The following CHADL variants were observed in gnomAD, a reference collection of about 807,000 sequenced individuals.
CHADL encodes the protein chondroadherin-like protein.
Under a neutral mutation model 52.1 loss-of-function variants are expected in CHADL, and 48 were observed. The observed-to-expected ratio is 0.92, with a 90% confidence interval of 0.73 to 1.17. CHADL has a LOEUF of 1.17. CHADL is among the 50% of genes most tolerant of loss of function. CHADL has a pLI of 0.00. For missense variants in CHADL, 977 were observed against 1,035.1 expected, an observed-to-expected ratio of 0.94 and a Z score of 0.77; for synonymous variants, 498 against 511.2, an observed-to-expected ratio of 0.97 and a Z score of 0.35.
At chr22:41,230,030 A>C (rs1450445031) in intron 5 of CHADL, 1 of 797,452 alleles carries the variant, frequency 1.3e-6, no homozygotes, top group Admixed American at 2.3e-5. Context: ...GTGAAGGTGC[A>C]TCCTAGGCCC....
Position 41,237,596 on chromosome 22 carries a change from G to C in CHADL, c.1476C>G (p.Ala492=), listed in dbSNP as rs1489038250. ...AGCCGAGGCGGGGAGCCCCTTCAAG[G>C]GCAGCAGCGCTGAGGCCTGCGAGCT... The part of the protein sequence containing the change: ...DNQLAGLSAA[A]LEGAPRLGYL... Residue 492 remains alanine (A), a synonymous_variant, in exon 3 of 6, where the codon GCC becomes GCG. Transcript: ENST00000216241. 1.9e-6 allele frequency: 3 copies of C among 1,550,494 alleles called. No individual in the cohort carries two copies. The highest frequency in any genetic ancestry group is 1.7e-6 in the Non-Finnish European group (2 of 1,146,908).
In CHADL at chr22:41,239,574, G is replaced by T. The variant is rs1347029542; in HGVS notation, c.55C>A (p.Leu19Ile). 1 of 1,547,358 alleles carries T rather than the reference G, an allele frequency of 6.5e-7. No homozygotes were observed. The highest frequency in any genetic ancestry group is 8.7e-7 in the Non-Finnish European group (1 of 1,145,390). The change falls in exon 2 of 6, where the codon CTT (leucine) becomes ATT (isoleucine). Residue 19 changes from leucine to isoleucine, a missense_variant. By Grantham distance (5) the Leu-to-Ile change is conservative. Transcript: ENST00000216241. ...HVPLVLPLLV[L>I]LLLAPARQAA... is the part of the protein sequence containing the mutation. ...TGCCTAGCCGGGGCCAGCAGCAGAA[G>T]TACAAGAAGCGGCAGCACCAAGGGG...
chr22:41,239,179 G>A (rs1364173108), intron 2 of CHADL, among the ~76,000 whole-genome samples: 1 of 152,122 alleles, frequency 6.6e-6, no homozygotes, highest in Non-Finnish European at 1.5e-5. Context: ...TCCACCACAG[G>A]GTCTGCAGTG....
chr22:41,230,004 G>A (rs2032474200), intron 5 of CHADL: 1 of 723,414 alleles, frequency 1.4e-6, no homozygotes, highest in Non-Finnish European at 2.3e-6. Context: ...TGCCCTCCCA[G>A]AAGGGAAGCT....
rs2032721301 is a variant in CHADL, at chr22:41,235,332, C to T, written c.2075G>A (p.Gly692Glu). 3 of 1,550,706 alleles carry T rather than the reference C, an allele frequency of 1.9e-6. No homozygotes were observed. The highest frequency in any genetic ancestry group is 1.2e-5 in the South Asian group (1 of 84,044). ...GGTGGCCCCCACCCGCAGGTTCAGC[C>T]CAGTAAGCCACCTGAAGAGAAAAGA... ...QLLPLHRWLTGLNLRVGATCA... is the reference protein window; with the variant it reads ...QLLPLHRWLTELNLRVGATCA... The change falls in exon 5 of 6, where the codon GGG becomes GAG. Residue 692 changes from glycine (G) to glutamate (E), a missense_variant. Physicochemically the swap from Gly to Glu is moderately conservative, Grantham distance 98. Coordinates refer to ENST00000216241, the MANE Select transcript of CHADL (RefSeq NM_138481.2).
intron 5 of CHADL, among the ~76,000 whole-genome samples, chr22:41,233,475 G>T (rs542899855): frequency 1.3e-5 from 2 of 152,188 alleles, no homozygotes; most frequent in South Asian, 4.2e-4. Context: ...AAAAAAAAAG[G>T]GGGGGTGGAA....
Position 41,238,253 on chromosome 22 carries a change from G to A in CHADL, c.819C>T (p.Ala273=), listed in dbSNP as rs1054254583. The A allele has an allele frequency of 7.8e-6, 12 of 1,530,612 alleles. No individual in the cohort carries two copies. Among genetic ancestry groups the A allele is most frequent in the Middle Eastern group, 2.1e-4 (1 of 4,710 alleles). 94.8% of individuals were successfully genotyped at this position (1,530,612 alleles called of 1,614,324 possible). The part of the protein sequence containing the change: ...GGALQALGPR[A]FAHCPRLHTL... ...TGTGCAGGCGCGGACAGTGTGCGAA[G>A]GCCCTGGGACCCAGGGCCTGCAGGG... The change falls in exon 3 of 6, where the codon GCC becomes GCT. Residue 273 remains alanine (A), a synonymous_variant. Coordinates refer to ENST00000216241, the MANE Select transcript of CHADL (RefSeq NM_138481.2). The surrounding 1 kb of genome is among the most constrained non-coding windows in gnomAD (Gnocchi z 4.9).
At chr22:41,232,269 T>C (rs1601553015) in intron 5 of CHADL, among the ~76,000 whole-genome samples, 1 of 147,404 alleles carries the variant, frequency 6.8e-6, no homozygotes, top group Non-Finnish European at 1.5e-5. Context: ...GGGGCGGAGG[T>C]GGCAATGAGC....
intron 5 of CHADL, 120 bp from the exon 6 acceptor site, chr22:41,229,850 C>G: frequency 1.1e-6 from 1 of 936,842 alleles, no homozygotes; most frequent in Non-Finnish European, 1.7e-6. Context: ...AGCTGAGTCC[C>G]CCTCTAGCCC....
chr22:41,230,097 G>A, intron 5 of CHADL: 1 of 349,078 alleles, frequency 2.9e-6, no homozygotes, highest in African/African-American at 3.0e-5. Context: ...CCCTCCCAGA[G>A]TTATTTACTC....
At chr22:41,230,257 C>A (rs748504977) in intron 5 of CHADL, 1 of 1,609,750 alleles carries the variant, frequency 6.2e-7, no homozygotes, top group Non-Finnish European at 8.5e-7. Flanking sequence ...ACTGAGCCTT[C>A]CTGCCTCCAG....
chr22:41,232,201 A>C (rs8135059), intron 5 of CHADL, among the ~76,000 whole-genome samples: 2 of 151,826 alleles, frequency 1.3e-5, no homozygotes, highest in Non-Finnish European at 2.9e-5. Flanking sequence ...GCGTGGTGGC[A>C]GTCACCTGTA....
intron 5 of CHADL, 154 bp downstream of exon 5, chr22:41,234,991 G>A (rs552591895): frequency 3.2e-5 from 25 of 777,148 alleles, no homozygotes; most frequent in South Asian, 7.1e-5. Context: ...GCCCAGCCTC[G>A]GATGGACATT....
chr22:41,232,024 C>T (rs1233566857), intron 5 of CHADL, among the ~76,000 whole-genome samples: 3 of 152,170 alleles, frequency 2.0e-5, no homozygotes, highest in South Asian at 2.1e-4. Context: ...ACAGTTTAGT[C>T]GTTTGGCTGC....
Position 41,237,605 on chromosome 22 carries a change from G to A in CHADL, c.1467C>T (p.Ser489=), listed in dbSNP as rs1211213599. The A allele has an allele frequency of 1.0e-5, 16 of 1,550,384 alleles. No homozygotes were observed. The highest frequency in any genetic ancestry group is 7.8e-5 in the Admixed American group (4 of 50,994). Residue 489 remains serine (S), a synonymous_variant, in exon 3 of 6, where the codon AGC becomes AGT. Transcript: ENST00000216241. ...YLSDNQLAGL[S]AAALEGAPRL... ...GGGGAGCCCCTTCAAGGGCAGCAGC[G>A]CTGAGGCCTGCGAGCTGGTTGTCGG...
intron 4 of CHADL, among the ~76,000 whole-genome samples, chr22:41,235,782 G>T (rs765862353): frequency 6.6e-6 from 1 of 152,194 alleles, no homozygotes; most frequent in African/African-American, 2.4e-5. Context: ...TTACAGATGG[G>T]CAGGAAAGGT....
At position 41,233,333 on chromosome 22, in the gene CHADL, G is replaced by A. The variant is rs187623687; in HGVS notation, c.2262+1812C>T. ...AAAAGTTAGCCATGCGTGGTGGCAC[G>A]CACCTGTAATCTCAGCTACTTGGGA... On this transcript the variant is annotated intron_variant, in intron 5 of 5. Transcript: ENST00000216241. Among the ~76,000 whole-genome samples the A allele has an allele frequency of 2.5e-4, 38 of 152,146 alleles. 1 individual carries two copies. The highest frequency in any genetic ancestry group is 9.7e-4 in the East Asian group (5 of 5,166).
In CHADL at chr22:41,238,308, C is replaced by A. The variant is rs749795580; in HGVS notation, c.764G>T (p.Gly255Val). The change falls in exon 3 of 6, where the codon GGC becomes GTC. Residue 255 changes from glycine to valine, a missense_variant. Coordinates refer to ENST00000216241, the MANE Select transcript of CHADL (RefSeq NM_138481.2). This position sits in a 1 kb window ranked among gnomAD's most constrained non-coding sequence, Gnocchi z 4.9. ...GCCGTCCAGCAGCAGCTCCCGCAGG[C>A]CGGGCAGCGCCAGCCCGTCCTCCTC... ...AGEEDGLALP[G>V]LRELLLDGGA... The A allele has an allele frequency of 6.5e-7, 1 of 1,527,410 alleles. No homozygotes were observed. Among genetic ancestry groups the A allele is most frequent in the South Asian group, 1.2e-5 (1 of 83,484 alleles). The allele number at this position is 1,527,410 out of a possible 1,614,324, so 94.6% of individuals were successfully genotyped here.
chr22:41,237,806 G>A lies in CHADL; in HGVS notation c.1266C>T (p.Gly422=), dbSNP rs1440101065. 2 of 1,495,744 alleles carry A rather than the reference G, an allele frequency of 1.3e-6. No homozygotes were observed. The highest frequency in any genetic ancestry group is 1.8e-6 in the Non-Finnish European group (2 of 1,124,066). 92.7% of individuals were successfully genotyped at this position (1,495,744 alleles called of 1,614,324 possible). Residue 422 remains glycine, a synonymous_variant, in exon 3 of 6, where the codon GGC becomes GGT. Transcript: ENST00000216241. Reference sequence around the variant, plus strand: ...CCAGGAGCTGGGTGTCGCTGGGGAAGCCGCGGGGCACCGCCTGCAGGCCGC... The same window carrying A: ...CCAGGAGCTGGGTGTCGCTGGGGAAACCGCGGGGCACCGCCTGCAGGCCGC... ...EGCGLQAVPR[G]FPSDTQLLDL... is the part of the protein sequence containing the mutation.
Sources: allele counts gnomAD v4.1 joint callset (sites outside exome capture counted in the v4.1 genomes callset), GRCh38; gene constraint gnomAD v4.1.1; non-coding constraint Gnocchi (gnomAD v3.1); transcripts MANE v1.5; gene names NCBI Gene and HGNC (gene_info 2026-07-23, HGNC 2026-07-21).